The following ZHX2 variants were observed in gnomAD, a reference collection of about 807,000 sequenced individuals.
ZHX2 encodes the protein zinc fingers and homeoboxes protein 2.
ZHX2 carries 6 observed loss-of-function variants against 21.9 expected under a neutral mutation model. That is an observed-to-expected ratio of 0.27 (90% CI 0.15 to 0.54). ZHX2 has a LOEUF of 0.54. ZHX2 is among the 20% of genes least tolerant of loss of function. The pLI, the probability that ZHX2 is intolerant of heterozygous loss-of-function variation, is 0.95. For missense variants in ZHX2, 908 were observed against 1,090.7 expected (o/e 0.83, Z 2.36); for synonymous variants, 434 against 437.1 (o/e 0.99, Z 0.09).
At position 122,952,486 on chromosome 8, in the gene ZHX2, G is replaced by A; in HGVS notation, c.976G>A (p.Val326Met). The A allele has an allele frequency of 6.2e-7, 1 of 1,614,222 alleles. No individual in the cohort carries two copies. The highest frequency in any genetic ancestry group is 8.5e-7 in the Non-Finnish European group (1 of 1,180,040). Reference protein sequence around the residue: ...KHGISWSPEEVEEARKKMFNG... With the variant: ...KHGISWSPEEMEEARKKMFNG... ...TGGCATCAGCTGGTCCCCAGAAGAG[G>A]TGGAGGAGGCCCGGAAGAAGATGTT... Residue 326 changes from valine to methionine, a missense_variant, in exon 3 of 4, where the codon GTG becomes ATG. By Grantham distance (21) the Val-to-Met change is conservative. Transcript: ENST00000314393. The surrounding 1 kb of genome is among the most constrained non-coding windows in gnomAD (Gnocchi z 6.9).
chr8:122,972,321 C>A (rs1218513712), intron 3 of ZHX2, among the ~76,000 whole-genome samples: 1 of 152,150 alleles, frequency 6.6e-6, no homozygotes, highest in Admixed American at 6.5e-5. Context: ...ACCATTCCAC[C>A]TATAATAAGG....
chr8:122,953,301 TG>T lies in ZHX2; in HGVS notation c.1793del (p.Gly598AlafsTer25). 1 of 1,614,066 alleles carries T rather than the reference TG, an allele frequency of 6.2e-7. No homozygotes were observed. The highest frequency in any genetic ancestry group is 8.5e-7 in the Non-Finnish European group (1 of 1,180,016). On this transcript the variant is annotated frameshift_variant, in exon 3 of 4. Transcript: ENST00000314393. LOFTEE classifies it low-confidence loss of function (END_TRUNC). The surrounding 1 kb of genome is among the most constrained non-coding windows in gnomAD (Gnocchi z 4.6). Reference sequence around the variant, plus strand: ...AAGCTGTCTTGGATTCCATGGGGTCTGGCAAAAAAGGCCAAGATGTGGGAGC... The same window carrying T: ...AAGCTGTCTTGGATTCCATGGGGTCTGCAAAAAAGGCCAAGATGTGGGAGC... Reference protein sequence around the residue: ...EQAVLDSMGSGKKGQDVGAPN... With the variant: ...EQAVLDSMGSXKKGQDVGAPN...
chr8:122,795,064 A>G (rs971766635), intron 1 of ZHX2, among the ~76,000 whole-genome samples: 1 of 152,226 alleles, frequency 6.6e-6, no homozygotes, highest in Non-Finnish European at 1.5e-5. Flanking sequence ...GCACCAGCAC[A>G]GGGCTGGCCC....
chr8:122,968,983 AT>A (rs1813653046), intron 3 of ZHX2, among the ~76,000 whole-genome samples: 1 of 152,232 alleles, frequency 6.6e-6, no homozygotes, highest in African/African-American at 2.4e-5. Flanking sequence ...ACATAGTGAA[AT>A]CCCACCTGTA....
At chr8:122,839,145 C>G (rs1230828709) in intron 1 of ZHX2, among the ~76,000 whole-genome samples, 1 of 151,228 alleles carries the variant, frequency 6.6e-6, no homozygotes, top group Non-Finnish European at 1.5e-5. Flanking sequence ...TTTTTCCCTT[C>G]CTTCTTTTTT....
chr8:122,866,191 A>G (rs1401738829), intron 2 of ZHX2, among the ~76,000 whole-genome samples: 4 of 152,206 alleles, frequency 2.6e-5, no homozygotes, highest in Non-Finnish European at 2.9e-5. Context: ...TTAGGACCCC[A>G]GCTTAGGTAG....
At chr8:122,819,379 A>T (rs188876740) in intron 1 of ZHX2, among the ~76,000 whole-genome samples, 2 of 152,284 alleles carry the variant, frequency 1.3e-5, no homozygotes, top group Admixed American at 6.5e-5. Context: ...AGCAGTCCAG[A>T]CCGTTATTCC....
At chr8:122,812,183 G>A (rs936455269) in intron 1 of ZHX2, among the ~76,000 whole-genome samples, 14 of 152,152 alleles carry the variant, frequency 9.2e-5, no homozygotes, top group Non-Finnish European at 1.5e-4. Context: ...AGGCAGGAGC[G>A]TGCCTGAGGG....
At chr8:122,787,985 A>G in intron 1 of ZHX2, among the ~76,000 whole-genome samples, 1 of 152,196 alleles carries the variant, frequency 6.6e-6, no homozygotes, top group East Asian at 1.9e-4. Flanking sequence ...CCTGACATTT[A>G]TGCCCCCACA....
chr8:122,905,388 A>T (rs999822174), intron 2 of ZHX2, among the ~76,000 whole-genome samples: 1 of 146,722 alleles, frequency 6.8e-6, no homozygotes, highest in Middle Eastern at 3.4e-3. Flanking sequence ...CATTTTTTTT[A>T]AAAACTGTCA....
At chr8:122,880,028 A>G (rs2129776165) in intron 2 of ZHX2, among the ~76,000 whole-genome samples, 1 of 146,390 alleles carries the variant, frequency 6.8e-6, no homozygotes, top group South Asian at 2.2e-4. Flanking sequence ...GCTAGAGTAC[A>G]GTGGTGCAAT....
intron 1 of ZHX2, among the ~76,000 whole-genome samples, chr8:122,795,968 C>G (rs533147747): frequency 1.3e-5 from 2 of 152,066 alleles, no homozygotes; most frequent in Non-Finnish European, 2.9e-5. Flanking sequence ...GTCAGGAGTT[C>G]GGGACCAGCG....
intron 1 of ZHX2, among the ~76,000 whole-genome samples, chr8:122,853,702 C>T (rs568713609): frequency 1.3e-5 from 2 of 152,220 alleles, no homozygotes; most frequent in African/African-American, 4.8e-5. Flanking sequence ...TCCACCCATT[C>T]TTCATGGACG....
intron 2 of ZHX2, among the ~76,000 whole-genome samples, chr8:122,913,011 C>A (rs970173275): frequency 6.6e-6 from 1 of 152,106 alleles, no homozygotes; most frequent in Non-Finnish European, 1.5e-5. Flanking sequence ...AACCCTATAC[C>A]CATTGGCAGT....
intron 1 of ZHX2, among the ~76,000 whole-genome samples, chr8:122,805,530 A>C (rs2130587463): frequency 6.6e-6 from 1 of 152,294 alleles, no homozygotes; most frequent in East Asian, 1.9e-4. Context: ...TCTACTACGG[A>C]CTCAAAGGAA....
chr8:122,951,340 T>C lies in ZHX2; in HGVS notation c.-171T>C, dbSNP rs1813104216. 1 of 625,618 alleles carries C rather than the reference T, an allele frequency of 1.6e-6. No homozygotes were observed. The highest frequency in any genetic ancestry group is 1.8e-5 in the African/African-American group (1 of 54,286). The allele number at this position is 625,618 out of a possible 1,614,324, so 38.8% of individuals were successfully genotyped here. Reference sequence around the variant, plus strand: ...AGTGGTTGGTGCCATTCCAATTTTCTGTGCTGAAATCATTCTGAAAACTCA... The same window carrying C: ...AGTGGTTGGTGCCATTCCAATTTTCCGTGCTGAAATCATTCTGAAAACTCA... On this transcript the variant is annotated 5_prime_UTR_variant, in exon 3 of 4. Transcript: ENST00000314393.
chr8:122,848,035 C>A (rs999358377), intron 1 of ZHX2, among the ~76,000 whole-genome samples: 2 of 152,174 alleles, frequency 1.3e-5, no homozygotes, highest in African/African-American at 4.8e-5. Flanking sequence ...GTAGAAAGTC[C>A]GCCGCAGGGA....
intron 1 of ZHX2, among the ~76,000 whole-genome samples, chr8:122,791,553 A>G (rs369082852): frequency 1.3e-5 from 2 of 152,190 alleles, no homozygotes; most frequent in African/African-American, 4.8e-5. Context: ...TTATCTGATC[A>G]TAATAATAAG....
intron 2 of ZHX2, among the ~76,000 whole-genome samples, chr8:122,909,228 C>G (rs1820418379): frequency 2.0e-5 from 3 of 152,010 alleles, no homozygotes; most frequent in Non-Finnish European, 2.9e-5. Context: ...GTCAGGAGTT[C>G]AAGACCAGCT....
Sources: allele counts gnomAD v4.1 joint callset (sites outside exome capture counted in the v4.1 genomes callset), GRCh38; gene constraint gnomAD v4.1.1; non-coding constraint Gnocchi (gnomAD v3.1); transcripts MANE v1.5; gene names NCBI Gene and HGNC (gene_info 2026-07-23, HGNC 2026-07-21).